AFG1L: variants seen among roughly 807,000 people sequenced by gnomAD.
The protein encoded by AFG1L is AFG1-like ATPase.
AFG1L carries 53 observed loss-of-function variants against 62.2 expected under a neutral mutation model. The ratio of observed to expected loss-of-function variants is 0.85; its 90% CI spans 0.68 to 1.07. The LOEUF is 1.07. AFG1L is among the 50% of genes least tolerant of loss of function. The pLI, the probability that AFG1L is intolerant of heterozygous loss-of-function variation, is 0.00. For synonymous variants in AFG1L, 228 were observed against 210.3 expected (o/e 1.08, Z -0.73); for missense variants, 555 against 590.5 (o/e 0.94, Z 0.62).
At chr6:108,494,916 G>A (rs1258293366) in intron 10 of AFG1L, among the ~76,000 whole-genome samples, 8 of 151,544 alleles carry the variant, frequency 5.3e-5, no homozygotes, top group South Asian at 4.2e-4. Flanking sequence ...GATTACAGGC[G>A]TGCACCACCC....
chr6:108,359,229 G>T (rs914020360), intron 5 of AFG1L: 3 of 152,080 alleles, frequency 2.0e-5, no homozygotes, highest in Non-Finnish European at 2.9e-5. Context: ...CCAAAAACCT[G>T]CCTGGTTGTA....
chr6:108,459,029 C>T (rs1772357489), intron 8 of AFG1L, among the ~76,000 whole-genome samples: 1 of 152,120 alleles, frequency 6.6e-6, no homozygotes, highest in Admixed American at 6.5e-5. Context: ...ACCTGATACC[C>T]TATGCTTTAG....
At chr6:108,487,453 G>A (rs1773615548) in intron 10 of AFG1L, among the ~76,000 whole-genome samples, 1 of 152,224 alleles carries the variant, frequency 6.6e-6, no homozygotes, top group African/African-American at 2.4e-5. Flanking sequence ...CTGGGTCTAA[G>A]TTCCTCACTT....
rs1215197852 is a variant in AFG1L at position 108,344,887 on chromosome 6, T to C, written c.364-2101T>C. On this transcript the variant is annotated intron_variant, in intron 2 of 12. Coordinates refer to ENST00000368977, the MANE Select transcript of AFG1L (RefSeq NM_145315.5). ...GTAAGATAAGTTCTATTTTGCTTCA[T>C]CTCCAGAGCCCTTCAGTTTCCAGTT... 1.3e-5 allele frequency: 6 copies of C among 446,916 alleles called. No individual in the cohort carries two copies. In the Admixed American group the frequency reaches 1.5e-4, roughly 11 times the overall value. 27.7% of individuals were successfully genotyped at this position (446,916 alleles called of 1,614,324 possible).
intron 7 of AFG1L, among the ~76,000 whole-genome samples, chr6:108,439,120 G>A (rs552746252): frequency 7.9e-5 from 12 of 152,232 alleles, no homozygotes; most frequent in African/African-American, 2.6e-4. Flanking sequence ...GAGAGGTTAC[G>A]TAACAGGCTA....
At chr6:108,396,860 T>G (rs1781331993) in intron 6 of AFG1L, among the ~76,000 whole-genome samples, 1 of 152,292 alleles carries the variant, frequency 6.6e-6, no homozygotes, top group East Asian at 1.9e-4. Flanking sequence ...TTTGGTAATA[T>G]TCACATCATG....
In AFG1L at chr6:108,510,269, C is replaced by T. The variant is rs769525378; in HGVS notation, c.1120C>T (p.Arg374Ter). ...AAAGAATTTTGATACAATATTTTTA[C>T]GAAACATTCCGCAATTTACTCTGGC... ...LSKNFDTIFL[R>*]NIPQFTLANR... The change falls in exon 11 of 13, where the codon CGA becomes TGA. Residue 374 changes from arginine (R) to a stop codon, truncating the protein, a stop_gained. Transcript: ENST00000368977. LOFTEE classifies it high-confidence loss of function. The T allele has an allele frequency of 8.1e-6, 13 of 1,611,336 alleles. No homozygotes were observed. Among genetic ancestry groups the T allele is most frequent in the South Asian group, 6.6e-5 (6 of 90,876 alleles).
intron 11 of AFG1L, among the ~76,000 whole-genome samples, chr6:108,511,277 G>A (rs895233415): frequency 6.6e-6 from 1 of 152,044 alleles, no homozygotes; most frequent in Non-Finnish European, 1.5e-5. Flanking sequence ...CTCTCCCTAT[G>A]ACCCAGAAAC....
At chr6:108,361,479 G>A (rs1302232444) in intron 5 of AFG1L, among the ~76,000 whole-genome samples, 9 of 152,166 alleles carry the variant, frequency 5.9e-5, no homozygotes, top group Admixed American at 1.3e-4. Flanking sequence ...AGCAGCATGC[G>A]TGTATGTGTG....
chr6:108,411,723 A>ACCAAAACCCCATCT (rs1782122545), intron 7 of AFG1L, among the ~76,000 whole-genome samples: 1 of 152,246 alleles, frequency 6.6e-6, no homozygotes, highest in African/African-American at 2.4e-5. Flanking sequence ...ACTAACAAAC[A>ACCAAAACCCCATCT]GAAAGGACAT....
chr6:108,317,093 G>A (rs76106607), intron 1 of AFG1L, among the ~76,000 whole-genome samples: 1,731 of 152,268 alleles, frequency 0.011, 25 homozygotes, highest in African/African-American at 0.038. Context: ...TTCTTGTAAG[G>A]ATATCAGTGA....
chr6:108,375,902 G>A (rs1780223907), intron 6 of AFG1L, among the ~76,000 whole-genome samples: 1 of 152,074 alleles, frequency 6.6e-6, no homozygotes, highest in South Asian at 2.1e-4. Flanking sequence ...GCTCTTCTTT[G>A]TATGTCTGGT....
At chr6:108,483,150 A>G (rs1301131222) in intron 10 of AFG1L, among the ~76,000 whole-genome samples, 1 of 152,232 alleles carries the variant, frequency 6.6e-6, no homozygotes, top group East Asian at 1.9e-4. Context: ...CTATTAATCC[A>G]GATATTAAAG....
intron 10 of AFG1L, among the ~76,000 whole-genome samples, chr6:108,478,249 A>G (rs1169517705): frequency 1.3e-5 from 2 of 152,182 alleles, no homozygotes; most frequent in Non-Finnish European, 2.9e-5. Context: ...CATCCTAGCT[A>G]ACACGGTGAA....
In AFG1L at chr6:108,402,226, A is replaced by G. The variant is rs1378263479; in HGVS notation, c.807+172A>G. ...ATGCCTTTAATCCCAGCACTTTGGG[A>G]GGCCAAGGTGGGCGGATCACAAGGT... is the stretch of plus-strand genomic sequence containing the variant. On this transcript the variant is annotated intron_variant, in intron 7 of 12. Transcript: ENST00000368977. Among the ~76,000 whole-genome samples, 6 of 152,152 alleles carry G rather than the reference A, an allele frequency of 3.9e-5. No homozygotes were observed. The East Asian group carries it at 9.7e-4, about 25-fold the overall frequency.
In AFG1L at chr6:108,366,242, A is replaced by G. The variant is rs1223186137; in HGVS notation, c.658A>G (p.Ile220Val). The part of the protein sequence containing the change: ...LCFDEFQVTD[I>V]ADAMILKQLF... ...GTGTTGTTGTCAATAGGTCACTGAC[A>G]TTGCTGATGCCATGATTCTGAAACA... is the stretch of plus-strand genomic sequence containing the variant. Residue 220 changes from isoleucine (I) to valine (V), a missense_variant, in exon 6 of 13, where the codon ATT (isoleucine) becomes GTT (valine). By Grantham distance (29) the Ile-to-Val change is conservative. Coordinates refer to ENST00000368977, the MANE Select transcript of AFG1L (RefSeq NM_145315.5). 2.5e-6 allele frequency: 4 copies of G among 1,606,192 alleles called. No homozygotes were observed. Among genetic ancestry groups the G allele is most frequent in the East Asian group, 2.2e-5 (1 of 44,808 alleles).
intron 8 of AFG1L, among the ~76,000 whole-genome samples, chr6:108,455,383 C>T (rs1443300318): frequency 6.6e-6 from 1 of 152,154 alleles, no homozygotes; most frequent in Non-Finnish European, 1.5e-5. Flanking sequence ...ATAGCCTTCT[C>T]TGTTTTTTTC....
intron 1 of AFG1L, among the ~76,000 whole-genome samples, chr6:108,304,528 T>A (rs17069464): frequency 0.096 from 14,652 of 152,264 alleles, 1,969 homozygotes; most frequent in African/African-American, 0.3. Flanking sequence ...AACTCATGAA[T>A]AATTGTGAAC....
intron 10 of AFG1L, among the ~76,000 whole-genome samples, chr6:108,480,470 C>T (rs1773283188): frequency 6.6e-6 from 1 of 152,138 alleles, no homozygotes; most frequent in African/African-American, 2.4e-5. Context: ...TGCTTTTAAT[C>T]ACTACATTGT....
Sources: allele counts gnomAD v4.1 joint callset (sites outside exome capture counted in the v4.1 genomes callset), GRCh38; gene constraint gnomAD v4.1.1; transcripts MANE v1.5; gene names NCBI Gene and HGNC (gene_info 2026-07-23, HGNC 2026-07-21).